The following RBFOX1 variants were observed in gnomAD, a reference collection of about 807,000 sequenced individuals.
The protein encoded by RBFOX1 is RNA binding protein fox-1 homolog 1.
Under a neutral mutation model 57.7 loss-of-function variants are expected in RBFOX1, and 8 were observed. The observed-to-expected ratio is 0.14, with a 90% CI of 0.08 to 0.25. RBFOX1 has a LOEUF of 0.25. RBFOX1 is among the 10% of genes least tolerant of loss of function. RBFOX1 has a pLI of 1.00. For synonymous variants in RBFOX1, 326 were observed against 222.4 expected, an observed-to-expected ratio of 1.47 and a Z score of -4.15; for missense variants, 611 against 548.5, an observed-to-expected ratio of 1.11 and a Z score of -1.14.
intron 1 of RBFOX1, among the ~76,000 whole-genome samples, chr16:5,369,864 A>G (rs1262452417): frequency 6.6e-6 from 1 of 152,082 alleles, no homozygotes; most frequent in Non-Finnish European, 1.5e-5. Flanking sequence ...TTTTGTCATT[A>G]CTTTTAGTGA....
intron 14 of RBFOX1, among the ~76,000 whole-genome samples, chr16:7,698,974 A>G (rs893909303): frequency 1.3e-5 from 2 of 152,188 alleles, no homozygotes; most frequent in Non-Finnish European, 2.9e-5. Context: ...AATTTTAAAA[A>G]ATGGAATGGT....
At chr16:6,936,123 C>G (rs1050195244) in intron 3 of RBFOX1, among the ~76,000 whole-genome samples, 1 of 152,168 alleles carries the variant, frequency 6.6e-6, no homozygotes, top group African/African-American at 2.4e-5. Flanking sequence ...GGGGGTTCAG[C>G]TTCTGTACAC....
At chr16:7,481,189 A>G in intron 4 of RBFOX1, among the ~76,000 whole-genome samples, 1 of 152,330 alleles carries the variant, frequency 6.6e-6, no homozygotes, top group African/African-American at 2.4e-5. Flanking sequence ...ACTGAGTAAC[A>G]TAAATGGAAC....
intron 2 of RBFOX1, among the ~76,000 whole-genome samples, chr16:6,519,196 G>C (rs942426646): frequency 6.6e-6 from 1 of 152,072 alleles, no homozygotes; most frequent in Admixed American, 6.6e-5. Flanking sequence ...CTCTAAAATG[G>C]AATTGGTAAT....
At chr16:7,092,414 C>G (rs975381328) in intron 4 of RBFOX1, among the ~76,000 whole-genome samples, 1 of 152,226 alleles carries the variant, frequency 6.6e-6, no homozygotes, top group Non-Finnish European at 1.5e-5. Flanking sequence ...TGCTTTAGAA[C>G]TTACTGTTTT....
intron 2 of RBFOX1, among the ~76,000 whole-genome samples, chr16:6,338,742 A>G (rs561973145): frequency 3.9e-5 from 6 of 152,304 alleles, no homozygotes; most frequent in African/African-American, 1.4e-4. Context: ...CAAAGAGTGC[A>G]TGTTTAACCA....
intron 2 of RBFOX1, among the ~76,000 whole-genome samples, chr16:6,493,475 T>A (rs921346717): frequency 6.6e-6 from 1 of 152,184 alleles, no homozygotes; most frequent in Non-Finnish European, 1.5e-5. Flanking sequence ...CTGCTAAAAG[T>A]TGTATACAGT....
intron 3 of RBFOX1, among the ~76,000 whole-genome samples, chr16:5,738,511 G>A (rs1432043917): frequency 6.6e-6 from 1 of 151,590 alleles, no homozygotes; most frequent in Non-Finnish European, 1.5e-5. Flanking sequence ...GTGCACGTCT[G>A]TAATCCCAGC....
At chr16:7,569,461 T>A (rs971502054) in intron 5 of RBFOX1, among the ~76,000 whole-genome samples, 1 of 152,118 alleles carries the variant, frequency 6.6e-6, no homozygotes, top group South Asian at 2.1e-4. Context: ...CACTCTGACA[T>A]TGGGGGTTCT....
At chr16:6,344,793 C>T (rs2085114287) in intron 2 of RBFOX1, among the ~76,000 whole-genome samples, 1 of 145,350 alleles carries the variant, frequency 6.9e-6, no homozygotes, top group Non-Finnish European at 1.5e-5. Context: ...TGGGTTCAAG[C>T]GATTCTCCTG....
At chr16:6,892,702 A>T (rs944592672) in intron 3 of RBFOX1, among the ~76,000 whole-genome samples, 4 of 151,988 alleles carry the variant, frequency 2.6e-5, no homozygotes, top group African/African-American at 9.7e-5. Flanking sequence ...AGAGTGAAGT[A>T]CAGTGCTATT....
chr16:6,863,836 G>C (rs562829254), intron 3 of RBFOX1, among the ~76,000 whole-genome samples: 6 of 146,822 alleles, frequency 4.1e-5, no homozygotes, highest in African/African-American at 1.5e-4. Flanking sequence ...AGCCAAATCA[G>C]GTAACCAGAA....
intron 2 of RBFOX1, among the ~76,000 whole-genome samples, chr16:6,395,739 T>C (rs953897840): frequency 6.6e-6 from 1 of 152,144 alleles, no homozygotes; most frequent in Admixed American, 6.5e-5. Context: ...GTGCAATTTA[T>C]TGTGTACCAA....
chr16:5,743,862 A>T (rs144821747), intron 3 of RBFOX1, among the ~76,000 whole-genome samples: 5 of 152,296 alleles, frequency 3.3e-5, no homozygotes, highest in South Asian at 4.2e-4. Flanking sequence ...ATTTTTAGGC[A>T]CATAACACGG....
At chr16:6,977,590 C>G (rs137928078) in intron 3 of RBFOX1, among the ~76,000 whole-genome samples, 7 of 152,036 alleles carry the variant, frequency 4.6e-5, no homozygotes, top group African/African-American at 1.4e-4. Flanking sequence ...TAACTCAGGA[C>G]AGATGGATTT....
chr16:7,600,382 A>T (rs748819420), intron 9 of RBFOX1, among the ~76,000 whole-genome samples: 15 of 152,228 alleles, frequency 9.9e-5, no homozygotes, highest in Non-Finnish European at 1.9e-4. Context: ...AGCTATCCCA[A>T]GTTTCAACTC....
chr16:7,097,247 G>C (rs529557247), intron 4 of RBFOX1, among the ~76,000 whole-genome samples: 2 of 152,130 alleles, frequency 1.3e-5, no homozygotes, highest in Non-Finnish European at 2.9e-5. Context: ...GGGAGGTGTG[G>C]TGGTTAGAAG....
chr16:7,543,452 C>G (rs1601420570), intron 5 of RBFOX1, among the ~76,000 whole-genome samples: 1 of 152,264 alleles, frequency 6.6e-6, no homozygotes, highest in East Asian at 1.9e-4. Context: ...GCACCTGTCC[C>G]TTGTAACACC....
rs545489933 is a variant in RBFOX1, at chr16:6,625,039, C to T, written c.-63-29564C>T. 7.3e-4 allele frequency among the ~76,000 whole-genome samples: 110 copies of T among 151,188 alleles called. No individual in the cohort carries two copies. The Middle Eastern group carries it at 0.01, about 14-fold the overall frequency. On this transcript the variant is annotated intron_variant, in intron 2 of 15. Coordinates refer to ENST00000550418, the MANE Select transcript of RBFOX1 (RefSeq NM_018723.4). ...AATTAGCTGGGTGTGGTGTCGCAGG[C>T]TTATAATCCCAGCTGTTTGGGAGGC...
Sources: allele counts gnomAD v4.1 joint callset (sites outside exome capture counted in the v4.1 genomes callset), GRCh38; gene constraint gnomAD v4.1.1; transcripts MANE v1.5; gene names NCBI Gene and HGNC (gene_info 2026-07-23, HGNC 2026-07-21).